The following XIRP2 variants were observed in gnomAD, a reference collection of about 807,000 sequenced individuals.
The protein encoded by XIRP2 is xin actin binding repeat containing 2.
Under a neutral mutation model 277.0 loss-of-function variants are expected in XIRP2, and 236 were observed. That is an observed-to-expected ratio of 0.85 (90% CI 0.77 to 0.95). XIRP2 has a LOEUF of 0.95. Among genes scored for constraint, XIRP2 ranks in the 40% least tolerant of loss-of-function variants. The pLI is 0.00. For missense variants in XIRP2, 4,640 were observed against 4,157.5 expected (o/e 1.12, Z -3.19); for synonymous variants, 1,490 against 1,416.5 (o/e 1.05, Z -1.17).
At chr2:167,096,019 G>A (rs1188598198) in intron 2 of XIRP2, among the ~76,000 whole-genome samples, 10 of 150,848 alleles carry the variant, frequency 6.6e-5, no homozygotes, top group East Asian at 3.9e-4. Flanking sequence ...GACTACAGGC[G>A]CCCACCACCA....
intron 2 of XIRP2, among the ~76,000 whole-genome samples, chr2:167,008,943 T>C (rs960478677): frequency 3.3e-5 from 5 of 151,564 alleles, no homozygotes; most frequent in Non-Finnish European, 7.4e-5. Context: ...TTTTATTCAA[T>C]TTTTCAAATA....
chr2:167,137,808 A>G (rs1462389186), intron 3 of XIRP2, among the ~76,000 whole-genome samples: 1 of 152,150 alleles, frequency 6.6e-6, no homozygotes, highest in Non-Finnish European at 1.5e-5. Context: ...TTTTAATTTC[A>G]TTTTATCTGT....
intron 2 of XIRP2, among the ~76,000 whole-genome samples, chr2:167,069,656 C>G (rs1002345609): frequency 1.3e-5 from 2 of 152,132 alleles, no homozygotes; most frequent in African/African-American, 4.8e-5. Context: ...CCGACCCTCT[C>G]CTACCACAGA....
chr2:167,023,539 G>A (rs1389811033), intron 2 of XIRP2, among the ~76,000 whole-genome samples: 2 of 152,108 alleles, frequency 1.3e-5, no homozygotes, highest in African/African-American at 4.8e-5. Flanking sequence ...CCATGCCTAT[G>A]TCCTGAATGG....
intron 1 of XIRP2, among the ~76,000 whole-genome samples, chr2:166,900,580 A>G (rs1213193855): frequency 6.6e-6 from 1 of 151,996 alleles, no homozygotes; most frequent in Admixed American, 6.6e-5. Flanking sequence ...TATGTTGTAA[A>G]ACTCTGCATA....
intron 10 of XIRP2, among the ~76,000 whole-genome samples, chr2:167,255,923 T>G (rs1695642240): frequency 1.3e-5 from 2 of 151,934 alleles, no homozygotes; most frequent in African/African-American, 4.8e-5. Context: ...TTCATTGTAT[T>G]CTTTGATACA....
chr2:167,178,935 T>C (rs1692932404), intron 3 of XIRP2, among the ~76,000 whole-genome samples: 1 of 152,224 alleles, frequency 6.6e-6, no homozygotes, highest in African/African-American at 2.4e-5. Flanking sequence ...AATGTATGAC[T>C]GAATGACTGA....
rs1276086085 is a variant in XIRP2, at chr2:167,158,913, G to A, written c.562+22851G>A. Among the ~76,000 whole-genome samples, 4 of 152,192 alleles carry A rather than the reference G, an allele frequency of 2.6e-5. No individual in the cohort carries two copies. In the East Asian group the frequency reaches 7.7e-4, roughly 29 times the overall value. On this transcript the variant is annotated intron_variant, in intron 3 of 10. Coordinates refer to ENST00000409195, the MANE Select transcript of XIRP2 (RefSeq NM_152381.6). ...AGACGATTGGCTACAAAGGGATAAA[G>A]AAAACTCTAAGGAATACAGAAATAG...
At chr2:167,168,808 G>C (rs1573929931) in intron 3 of XIRP2, among the ~76,000 whole-genome samples, 1 of 152,190 alleles carries the variant, frequency 6.6e-6, no homozygotes, top group East Asian at 1.9e-4. Flanking sequence ...TAGAGATGGG[G>C]TTTCACCCTG....
intron 3 of XIRP2, among the ~76,000 whole-genome samples, chr2:167,154,530 C>T (rs371479622): frequency 0.083 from 12,221 of 147,112 alleles, 587 homozygotes; most frequent in Middle Eastern, 0.13. Context: ...TCTAGGGTTT[C>T]TATGGTTTTA....
intron 2 of XIRP2, among the ~76,000 whole-genome samples, chr2:167,109,249 A>G (rs1291731888): frequency 6.6e-6 from 1 of 152,104 alleles, no homozygotes; most frequent in Non-Finnish European, 1.5e-5. Context: ...ATAGTATTCC[A>G]TGATGTATTT....
At chr2:167,113,549 T>C (rs1690818627) in intron 2 of XIRP2, among the ~76,000 whole-genome samples, 1 of 152,124 alleles carries the variant, frequency 6.6e-6, no homozygotes, top group Non-Finnish European at 1.5e-5. Context: ...TGCATGTGAG[T>C]GGGTCTCTTG....
In XIRP2 at chr2:167,249,644, C is replaced by T. The variant is rs573760748; in HGVS notation, c.8252C>T (p.Thr2751Ile). ...TTTACCAAAAAACAATATCTGAAAA[C>T]CAAGAAAACTGAAGCAAGCACTGAA... Reference protein sequence around the residue: ...QTFTKKQYLKTKKTEASTECS... With the variant: ...QTFTKKQYLKIKKTEASTECS... The change falls in exon 9 of 11, where the codon ACC becomes ATC. Residue 2751 changes from threonine to isoleucine, a missense_variant. Coordinates refer to ENST00000409195, the MANE Select transcript of XIRP2 (RefSeq NM_152381.6). 48 of 1,613,444 alleles carry T rather than the reference C, an allele frequency of 3.0e-5. No homozygotes were observed. The South Asian group carries it at 4.3e-4, about 14-fold the overall frequency.
At chr2:167,051,228 T>C (rs1688907637) in intron 2 of XIRP2, among the ~76,000 whole-genome samples, 1 of 152,112 alleles carries the variant, frequency 6.6e-6, no homozygotes, top group Non-Finnish European at 1.5e-5. Flanking sequence ...AGTCACATCT[T>C]GGAACATGTA....
Position 167,258,206 on chromosome 2 carries a change from G to A in XIRP2, c.*389G>A. 1 of 1,612,934 alleles carries A rather than the reference G, an allele frequency of 6.2e-7. No individual in the cohort carries two copies. The highest frequency in any genetic ancestry group is 8.5e-7 in the Non-Finnish European group (1 of 1,179,538). On this transcript the variant is annotated 3_prime_UTR_variant, in exon 11 of 11. Transcript: ENST00000409195. ...CCCTAAGAAAACCTTACCCTTTGAG[G>A]AAGAGCTCAAAATGAGTAAACCTAA... is the stretch of plus-strand genomic sequence containing the variant.
chr2:166,978,741 G>C (rs1276358610), intron 2 of XIRP2, among the ~76,000 whole-genome samples: 1 of 152,094 alleles, frequency 6.6e-6, no homozygotes, highest in Admixed American at 6.5e-5. Context: ...CCAGCACTTT[G>C]AGAGGCCAAG....
chr2:166,892,316 C>A (rs2105325618), intron 1 of XIRP2, among the ~76,000 whole-genome samples: 1 of 152,252 alleles, frequency 6.6e-6, no homozygotes, highest in South Asian at 2.1e-4. Context: ...TCAGAAAATG[C>A]TGTGATCTCC....
In XIRP2 at chr2:167,138,695, A is replaced by T. The variant is rs534623419; in HGVS notation, c.562+2633A>T. On this transcript the variant is annotated intron_variant, in intron 3 of 10. Coordinates refer to ENST00000409195, the MANE Select transcript of XIRP2 (RefSeq NM_152381.6). ...TAATTTGACAAATTTGGGTAATTTG[A>T]TAATAGATGGGATATGAAAGAAAAC... Among the ~76,000 whole-genome samples the T allele has an allele frequency of 2.0e-5, 3 of 152,316 alleles. No individual in the cohort carries two copies. In the East Asian group the frequency reaches 5.8e-4, roughly 29 times the overall value.
chr2:167,167,253 C>G (rs73021975), intron 3 of XIRP2, among the ~76,000 whole-genome samples: 1 of 151,954 alleles, frequency 6.6e-6, no homozygotes, highest in African/African-American at 2.4e-5. Flanking sequence ...TTGTAGATAA[C>G]ATATAGTCAG....
Sources: gnomAD v4.1 joint callset for allele counts (sites outside exome capture counted in the v4.1 genomes callset) on GRCh38, gnomAD v4.1.1 for gene constraint, MANE v1.5 for transcripts, NCBI Gene and HGNC (gene_info 2026-07-23, HGNC 2026-07-21) for gene names.